The following NKAIN1 variants were observed in gnomAD, a reference collection of about 807,000 sequenced individuals.
The protein encoded by NKAIN1 is sodium/potassium transporting ATPase interacting 1, also known as sodium/potassium-transporting ATPase subunit beta-1-interacting protein 1.
NKAIN1 carries 13 observed loss-of-function variants against 31.6 expected under a neutral mutation model. The observed-to-expected ratio is 0.41, with a 90% confidence interval of 0.27 to 0.65. NKAIN1 has a LOEUF of 0.65. Among genes scored for constraint, NKAIN1 ranks in the 30% least tolerant of loss-of-function variants. The probability of loss-of-function intolerance (pLI) is 0.30; values close to 1 mark genes in which losing one functional copy is unlikely to be tolerated. For missense variants in NKAIN1, 193 were observed against 262.2 expected, an observed-to-expected ratio of 0.74 and a Z score of 1.82; for synonymous variants, 104 against 109.0, an observed-to-expected ratio of 0.95 and a Z score of 0.28.
At chr1:31,189,989 T>C (rs1358813810) in intron 1 of NKAIN1, among the ~76,000 whole-genome samples, 2 of 152,214 alleles carry the variant, frequency 1.3e-5, no homozygotes, top group East Asian at 3.9e-4. Context: ...TCCTGAGCCA[T>C]CTTTCAGGCC....
At chr1:31,193,076 T>A (rs1053017589) in intron 1 of NKAIN1, among the ~76,000 whole-genome samples, 3 of 151,334 alleles carry the variant, frequency 2.0e-5, no homozygotes, top group African/African-American at 7.2e-5. Flanking sequence ...TTTTTATTTT[T>A]TTATTTTTTT....
intron 1 of NKAIN1, among the ~76,000 whole-genome samples, chr1:31,209,628 C>A (rs113755114): frequency 0.074 from 11,272 of 152,030 alleles, 1,010 homozygotes; most frequent in African/African-American, 0.22. Context: ...CCAGCCTGGG[C>A]AACATAGTAA....
At chr1:31,206,982 G>T (rs11805687) in intron 1 of NKAIN1, among the ~76,000 whole-genome samples, 2 of 151,952 alleles carry the variant, frequency 1.3e-5, no homozygotes, top group Non-Finnish European at 2.9e-5. Context: ...TGATCCGCAC[G>T]CCTCAGCCTC....
chr1:31,189,472 A>G (rs1214213834), intron 1 of NKAIN1, among the ~76,000 whole-genome samples: 3 of 152,148 alleles, frequency 2.0e-5, no homozygotes, highest in African/African-American at 7.2e-5. Flanking sequence ...ACCTGCCACC[A>G]TACGCAGCTA....
At chr1:31,207,163 C>T (rs74063693) in intron 1 of NKAIN1, among the ~76,000 whole-genome samples, 6,127 of 152,284 alleles carry the variant, frequency 0.04, 348 homozygotes, top group African/African-American at 0.12. Flanking sequence ...CTGTACACCA[C>T]AGAGGTTAAA....
At position 31,181,528 on chromosome 1, in the gene NKAIN1, C is replaced by CAAGTCA; in HGVS notation, c.*174_*175insTGACTT. ...GGCTGCGAAGAGCCAAGCTCAAATC[C>CAAGTCA]AAGTCCAAGTCCAAGTCCACGTCCA... On this transcript the variant is annotated 3_prime_UTR_variant, in exon 7 of 7. Transcript: ENST00000373736. 1.9e-6 allele frequency: 1 copy of CAAGTCA among 534,138 alleles called. No homozygotes were observed. Among genetic ancestry groups the CAAGTCA allele is most frequent in the Non-Finnish European group, 3.0e-6 (1 of 333,706 alleles). The allele number at this position is 534,138 out of a possible 1,614,324, so 33.1% of individuals were successfully genotyped here.
intron 1 of NKAIN1, among the ~76,000 whole-genome samples, chr1:31,209,390 A>AAAACT (rs1203469228): frequency 2.0e-5 from 3 of 152,006 alleles, no homozygotes; most frequent in African/African-American, 7.3e-5. Flanking sequence ...AAAACAAAAC[A>AAAACT]AAACAAAAAA....
At chr1:31,189,016 A>G (rs1370014390) in intron 1 of NKAIN1, among the ~76,000 whole-genome samples, 2 of 150,988 alleles carry the variant, frequency 1.3e-5, no homozygotes, top group Non-Finnish European at 2.9e-5. Context: ...CCGTCTCAAA[A>G]AAAAGAAAAG....
At chr1:31,223,907 T>C (rs1179620150) in intron 1 of NKAIN1, among the ~76,000 whole-genome samples, 2 of 152,256 alleles carry the variant, frequency 1.3e-5, no homozygotes, top group South Asian at 2.1e-4. Context: ...AGCTATGTTA[T>C]ACTTTTTAGT....
At chr1:31,194,476 G>A (rs370130173) in intron 1 of NKAIN1, among the ~76,000 whole-genome samples, 33 of 130,610 alleles carry the variant, frequency 2.5e-4, no homozygotes, top group African/African-American at 8.5e-4. Context: ...GCGTGATCTC[G>A]GCTCACTGCA....
rs375255161 is a variant in NKAIN1 at position 31,197,537 on chromosome 1, T to C, written c.55-9350A>G. 2.7e-3 allele frequency among the ~76,000 whole-genome samples: 252 copies of C among 93,252 alleles called. 1 individual carries two copies. The highest frequency in any genetic ancestry group is 9.4e-3 in the Middle Eastern group (1 of 106). The allele number at this position is 93,252 out of a possible 152,430, so 61.2% of individuals were successfully genotyped here. A position where few individuals can be genotyped will look rare whatever the true frequency, so the allele number is the denominator to read the frequency against. ...CTGGGATTACAGGCATGAGCCACCG[T>C]GCCCGGCCTTTTTTTTTTTTTTTCC... On this transcript the variant is annotated intron_variant, in intron 1 of 6. Transcript: ENST00000373736.
At chr1:31,202,297 TC>T (rs981690333) in intron 1 of NKAIN1, among the ~76,000 whole-genome samples, 2 of 152,172 alleles carry the variant, frequency 1.3e-5, no homozygotes, top group African/African-American at 4.8e-5. Context: ...CTGGCAGTGA[TC>T]TAATTAGCAT....
chr1:31,203,189 C>A (rs923709480), intron 1 of NKAIN1, among the ~76,000 whole-genome samples: 1 of 151,882 alleles, frequency 6.6e-6, no homozygotes, highest in Non-Finnish European at 1.5e-5. Context: ...CACTTGCACC[C>A]GGGAGGCAGA....
intron 1 of NKAIN1, among the ~76,000 whole-genome samples, chr1:31,211,700 G>A (rs1185207098): frequency 6.6e-6 from 1 of 151,562 alleles, no homozygotes; most frequent in Non-Finnish European, 1.5e-5. Context: ...TGTAATCCCA[G>A]CACTTTGGGA....
chr1:31,214,311 TG>T (rs765390332), intron 1 of NKAIN1, among the ~76,000 whole-genome samples: 1 of 151,900 alleles, frequency 6.6e-6, no homozygotes, highest in African/African-American at 2.4e-5. Flanking sequence ...CTAATGGGTT[TG>T]GGGGTCTCTT....
chr1:31,201,933 A>G (rs933588708), intron 1 of NKAIN1, among the ~76,000 whole-genome samples: 9 of 152,024 alleles, frequency 5.9e-5, no homozygotes, highest in Non-Finnish European at 1.3e-4. Flanking sequence ...TGGACCCCCA[A>G]TCCCCTGACT....
chr1:31,239,382 G>T lies in NKAIN1; in HGVS notation c.54+112C>A. On this transcript the variant is annotated intron_variant, in intron 1 of 6. Coordinates refer to ENST00000373736, the MANE Select transcript of NKAIN1 (RefSeq NM_024522.3). The surrounding 1 kb of genome is among the most constrained non-coding windows in gnomAD (Gnocchi z 4.8). ...AGACTCCAGACCACCCCCCGCCCGGGCACACGCACCAGACACACACACAGA... is the reference window on the plus strand; with the variant it reads ...AGACTCCAGACCACCCCCCGCCCGGTCACACGCACCAGACACACACACAGA... 1.3e-6 allele frequency: 1 copy of T among 750,026 alleles called. No homozygotes were observed. Among genetic ancestry groups the T allele is most frequent in the Non-Finnish European group, 1.9e-6 (1 of 533,884 alleles). The allele number at this position is 750,026 out of a possible 1,614,324, so 46.5% of individuals were successfully genotyped here. A position where few individuals can be genotyped will look rare whatever the true frequency, so the allele number is the denominator to read the frequency against.
intron 1 of NKAIN1, among the ~76,000 whole-genome samples, chr1:31,223,467 G>A (rs1645579188): frequency 6.6e-6 from 1 of 152,038 alleles, no homozygotes; most frequent in African/African-American, 2.4e-5. Flanking sequence ...TTGAGACGGA[G>A]TCTCGCTCTG....
At chr1:31,212,935 C>T (rs544365573) in intron 1 of NKAIN1, among the ~76,000 whole-genome samples, 2 of 151,744 alleles carry the variant, frequency 1.3e-5, no homozygotes, top group South Asian at 2.1e-4. Flanking sequence ...AGGTGGAGCT[C>T]GTGGTGAGCC....
Sources: gnomAD v4.1 joint callset for allele counts (sites outside exome capture counted in the v4.1 genomes callset) on GRCh38, gnomAD v4.1.1 for gene constraint, Gnocchi (gnomAD v3.1) non-coding constraint, MANE v1.5 for transcripts, NCBI Gene and HGNC (gene_info 2026-07-23, HGNC 2026-07-21) for gene names.